The following KCNQ5 variants were observed in gnomAD, a reference collection of about 807,000 sequenced individuals.
KCNQ5 encodes the protein potassium voltage-gated channel subfamily KQT member 5.
Under a neutral mutation model 98.2 loss-of-function variants are expected in KCNQ5, and 30 were observed. The ratio of observed to expected loss-of-function variants is 0.31; its 90% confidence interval spans 0.23 to 0.41. The LOEUF (loss-of-function observed/expected upper bound fraction) is 0.41. Among genes scored for constraint, KCNQ5 ranks in the 10% least tolerant of loss-of-function variants. The pLI is 1.00. For synonymous variants in KCNQ5, 458 were observed against 449.4 expected (o/e 1.02, Z -0.24); for missense variants, 835 against 1,182.5 (o/e 0.71, Z 4.31).
At chr6:72,700,399 C>T (rs187206791) in intron 1 of KCNQ5, among the ~76,000 whole-genome samples, 245 of 152,180 alleles carry the variant, frequency 1.6e-3, no homozygotes, top group South Asian at 5.8e-3. Context: ...ATAATTCCAT[C>T]CCTACCATCA....
chr6:73,164,511 T>G (rs1777722500), intron 10 of KCNQ5, among the ~76,000 whole-genome samples: 1 of 152,216 alleles, frequency 6.6e-6, no homozygotes, highest in Non-Finnish European at 1.5e-5. Context: ...CCAGCCCTGT[T>G]CCTAAACAGG....
At chr6:72,711,478 A>T (rs1205359486) in intron 1 of KCNQ5, among the ~76,000 whole-genome samples, 1 of 152,220 alleles carries the variant, frequency 6.6e-6, no homozygotes, top group Non-Finnish European at 1.5e-5. Flanking sequence ...TCTGAAAGAA[A>T]GCCGAAGCTA....
intron 10 of KCNQ5, among the ~76,000 whole-genome samples, chr6:73,158,989 T>C (rs1358525287): frequency 6.6e-6 from 1 of 152,236 alleles, no homozygotes; most frequent in Non-Finnish European, 1.5e-5. Flanking sequence ...ATAAACATTA[T>C]TGCATTAAGC....
intron 1 of KCNQ5, among the ~76,000 whole-genome samples, chr6:72,763,053 A>G (rs1772370492): frequency 6.6e-6 from 1 of 152,022 alleles, no homozygotes; most frequent in Non-Finnish European, 1.5e-5. Flanking sequence ...TGTTCCATAA[A>G]TGGTAGATTT....
At chr6:72,862,476 T>A (rs1777807449) in intron 1 of KCNQ5, among the ~76,000 whole-genome samples, 1 of 152,130 alleles carries the variant, frequency 6.6e-6, no homozygotes, top group African/African-American at 2.4e-5. Context: ...ACTTTTTAAA[T>A]CCCTCAGTAA....
intron 1 of KCNQ5, among the ~76,000 whole-genome samples, chr6:72,999,751 G>T (rs1484212473): frequency 6.6e-6 from 1 of 152,162 alleles, no homozygotes; most frequent in Non-Finnish European, 1.5e-5. Flanking sequence ...CAATGCATAT[G>T]CTTCTTTATT....
At chr6:72,689,208 T>G (rs1768092624) in intron 1 of KCNQ5, among the ~76,000 whole-genome samples, 2 of 152,124 alleles carry the variant, frequency 1.3e-5, no homozygotes, top group Admixed American at 6.5e-5. Context: ...TACAAACCTG[T>G]GGTGCTTTCA....
At chr6:72,927,738 C>T (rs149988579) in intron 1 of KCNQ5, among the ~76,000 whole-genome samples, 46 of 152,104 alleles carry the variant, frequency 3.0e-4, no homozygotes, top group East Asian at 2.5e-3. Flanking sequence ...GAATTTTCTA[C>T]GATTCTATTG....
intron 1 of KCNQ5, among the ~76,000 whole-genome samples, chr6:72,687,306 C>G (rs1182887247): frequency 6.6e-6 from 1 of 152,164 alleles, no homozygotes; most frequent in Non-Finnish European, 1.5e-5. Context: ...TTGTATATGT[C>G]TTATCTACCT....
chr6:73,140,441 G>A (rs73454734), intron 10 of KCNQ5, among the ~76,000 whole-genome samples: 10,915 of 152,212 alleles, frequency 0.072, 1,229 homozygotes, highest in African/African-American at 0.24. Context: ...GGCACTTTCT[G>A]AAATTGCCTG....
At chr6:72,632,921 G>T (rs1048810041) in intron 1 of KCNQ5, among the ~76,000 whole-genome samples, 1 of 152,024 alleles carries the variant, frequency 6.6e-6, no homozygotes, top group Non-Finnish European at 1.5e-5. Context: ...TTGGTATGAT[G>T]ATCTATTTCC....
chr6:72,685,596 T>C (rs916949609), intron 1 of KCNQ5, among the ~76,000 whole-genome samples: 2 of 152,232 alleles, frequency 1.3e-5, no homozygotes, highest in Admixed American at 6.5e-5. Flanking sequence ...TTTTCATAAA[T>C]GTTATCATAT....
At chr6:72,766,475 G>A (rs552276512) in intron 1 of KCNQ5, among the ~76,000 whole-genome samples, 12 of 152,068 alleles carry the variant, frequency 7.9e-5, no homozygotes, top group East Asian at 1.9e-4. Context: ...TGGATATGGC[G>A]GTACTAGAAA....
At chr6:72,893,423 A>T (rs1779132639) in intron 1 of KCNQ5, among the ~76,000 whole-genome samples, 1 of 152,172 alleles carries the variant, frequency 6.6e-6, no homozygotes, top group African/African-American at 2.4e-5. Context: ...ACAGAAAGGG[A>T]GTAGGAACCA....
chr6:73,018,554 A>G (rs1480720242), intron 2 of KCNQ5, among the ~76,000 whole-genome samples: 5 of 152,050 alleles, frequency 3.3e-5, no homozygotes, highest in Non-Finnish European at 7.4e-5. Flanking sequence ...CACTCATCAA[A>G]TATTCACTAA....
chr6:72,803,843 C>G (rs1366792281), intron 1 of KCNQ5, among the ~76,000 whole-genome samples: 1 of 151,970 alleles, frequency 6.6e-6, no homozygotes, highest in Non-Finnish European at 1.5e-5. Flanking sequence ...ATAAATAATA[C>G]TTTTGTTTGT....
At chr6:72,967,276 G>T (rs1455399142) in intron 1 of KCNQ5, among the ~76,000 whole-genome samples, 1 of 151,972 alleles carries the variant, frequency 6.6e-6, no homozygotes, top group Non-Finnish European at 1.5e-5. Flanking sequence ...TATTCTCACT[G>T]GGATTTCATA....
intron 1 of KCNQ5, among the ~76,000 whole-genome samples, chr6:72,966,240 A>T (rs1198347630): frequency 1.3e-5 from 2 of 152,264 alleles, no homozygotes; most frequent in African/African-American, 4.8e-5. Flanking sequence ...TCGAATCAAA[A>T]ATGTTATTTT....
At chr6:72,823,285 A>G (rs930456803) in intron 1 of KCNQ5, among the ~76,000 whole-genome samples, 3 of 152,192 alleles carry the variant, frequency 2.0e-5, no homozygotes, top group African/African-American at 7.2e-5. Context: ...TCATGAAAGA[A>G]TATTTACCAC....
Sources: gnomAD v4.1 joint callset for allele counts (sites outside exome capture counted in the v4.1 genomes callset) on GRCh38, gnomAD v4.1.1 for gene constraint, MANE v1.5 for transcripts, NCBI Gene and HGNC (gene_info 2026-07-23, HGNC 2026-07-21) for gene names.